CTNNA3: variants seen among roughly 807,000 people sequenced by gnomAD.
The protein encoded by CTNNA3 is catenin alpha 3, also known as catenin alpha-3.
In CTNNA3, 76 loss-of-function variants were observed where a neutral mutation model predicts 95.7. That is an observed-to-expected ratio of 0.79 (90% CI 0.66 to 0.96). The LOEUF is 0.96. CTNNA3 is among the 40% of genes least tolerant of loss of function. CTNNA3 has a pLI of 0.00. For synonymous variants in CTNNA3, 431 were observed against 374.4 expected (o/e 1.15, Z -1.74); for missense variants, 1,191 against 1,089.8 (o/e 1.09, Z -1.31).
At chr10:65,986,768 A>G (rs760972767) in intron 16 of CTNNA3, among the ~76,000 whole-genome samples, 1 of 151,854 alleles carries the variant, frequency 6.6e-6, no homozygotes, top group Non-Finnish European at 1.5e-5. Flanking sequence ...TCCTGAGAAA[A>G]ACAGCAAAGC....
intron 7 of CTNNA3, among the ~76,000 whole-genome samples, chr10:66,997,038 G>C (rs553979496): frequency 8.5e-5 from 13 of 152,148 alleles, no homozygotes; most frequent in Non-Finnish European, 1.9e-4. Context: ...TTATAGATCT[G>C]TTTATATTAA....
chr10:66,217,716 C>T (rs2088645926), intron 13 of CTNNA3, among the ~76,000 whole-genome samples: 1 of 152,124 alleles, frequency 6.6e-6, no homozygotes, highest in African/African-American at 2.4e-5. Context: ...AAGAAACTGC[C>T]ATTTTCTCCC....
chr10:67,305,016 C>T (rs1032602756), intron 5 of CTNNA3, among the ~76,000 whole-genome samples: 11 of 152,078 alleles, frequency 7.2e-5, no homozygotes, highest in Non-Finnish European at 1.2e-4. Context: ...GTGGCTCATG[C>T]CTGTAATCCC....
intron 9 of CTNNA3, among the ~76,000 whole-genome samples, chr10:66,759,311 C>T (rs1839506416): frequency 6.6e-6 from 1 of 152,144 alleles, no homozygotes; most frequent in Admixed American, 6.5e-5. Context: ...CTTCAGGTTG[C>T]AGTGGAACAC....
At chr10:66,471,268 T>C (rs1343298691) in intron 11 of CTNNA3, among the ~76,000 whole-genome samples, 1 of 151,886 alleles carries the variant, frequency 6.6e-6, no homozygotes, top group Non-Finnish European at 1.5e-5. Context: ...TATATCTATG[T>C]CTTACAACAT....
intron 11 of CTNNA3, among the ~76,000 whole-genome samples, chr10:66,386,977 T>C (rs2092898412): frequency 6.6e-6 from 1 of 152,070 alleles, no homozygotes; most frequent in Non-Finnish European, 1.5e-5. Flanking sequence ...ATGTTAGACC[T>C]AAAACCATAA....
chr10:67,638,978 A>C (rs1446733446), intron 2 of CTNNA3, among the ~76,000 whole-genome samples: 1 of 152,236 alleles, frequency 6.6e-6, no homozygotes, highest in African/African-American at 2.4e-5. Context: ...CACATTCAAA[A>C]GCTAGCAGAA....
chr10:66,651,483 G>A (rs367788391), intron 9 of CTNNA3, among the ~76,000 whole-genome samples: 1 of 152,118 alleles, frequency 6.6e-6, no homozygotes, highest in Non-Finnish European at 1.5e-5. Flanking sequence ...CCCTTGGGGG[G>A]TCAATGGGAC....
chr10:66,260,680 G>A (rs1241343946), intron 13 of CTNNA3, among the ~76,000 whole-genome samples: 1 of 152,104 alleles, frequency 6.6e-6, no homozygotes, highest in African/African-American at 2.4e-5. Context: ...ACAGGTAAAT[G>A]ACAGGAAGTT....
At chr10:66,174,905 C>T (rs970051357) in intron 13 of CTNNA3, among the ~76,000 whole-genome samples, 3 of 151,906 alleles carry the variant, frequency 2.0e-5, no homozygotes, top group East Asian at 1.9e-4. Flanking sequence ...AAATTCAACC[C>T]GTGAATTTAA....
intron 3 of CTNNA3, among the ~76,000 whole-genome samples, chr10:67,594,257 T>C (rs1199094498): frequency 6.6e-6 from 1 of 152,144 alleles, no homozygotes; most frequent in Admixed American, 6.5e-5. Flanking sequence ...TGTCAGAGTG[T>C]TGCTGACCTC....
chr10:67,691,947 G>A (rs1167932796), intron 1 of CTNNA3, among the ~76,000 whole-genome samples: 2 of 148,294 alleles, frequency 1.3e-5, no homozygotes, highest in East Asian at 4.1e-4. Flanking sequence ...AGGTAGGGGG[G>A]TCAGCCCCCC....
chr10:66,760,925 A>G (rs1039945811), intron 9 of CTNNA3, among the ~76,000 whole-genome samples: 1 of 152,192 alleles, frequency 6.6e-6, no homozygotes, highest in Admixed American at 6.6e-5. Flanking sequence ...ATGCTCACTT[A>G]GAACAGTTGT....
At chr10:66,272,095 C>T (rs949658571) in intron 13 of CTNNA3, among the ~76,000 whole-genome samples, 7 of 152,158 alleles carry the variant, frequency 4.6e-5, no homozygotes, top group Admixed American at 1.3e-4. Context: ...TTACAGACTT[C>T]TTTCCACTAA....
chr10:67,702,876 T>C (rs1841052315), intron 1 of CTNNA3, among the ~76,000 whole-genome samples: 3 of 152,008 alleles, frequency 2.0e-5, no homozygotes, highest in African/African-American at 2.4e-5. Context: ...GATAGACCGC[T>C]AGCAAGACTA....
intron 7 of CTNNA3, among the ~76,000 whole-genome samples, chr10:66,784,776 T>C (rs1840675466): frequency 6.6e-6 from 1 of 152,250 alleles, no homozygotes; most frequent in Middle Eastern, 3.4e-3. Flanking sequence ...CATGTGGAGA[T>C]TAGGGAAGGT....
At chr10:66,701,156 T>G (rs558200348) in intron 9 of CTNNA3, among the ~76,000 whole-genome samples, 1 of 152,188 alleles carries the variant, frequency 6.6e-6, no homozygotes, top group African/African-American at 2.4e-5. Context: ...TGAACTTTGG[T>G]TGAGTATCAG....
At chr10:67,723,505 G>C (rs963871246) in intron 1 of CTNNA3, among the ~76,000 whole-genome samples, 10 of 152,058 alleles carry the variant, frequency 6.6e-5, no homozygotes, top group African/African-American at 2.4e-4. Context: ...CATTGCCTAA[G>C]CTGGTTTCAA....
chr10:67,167,968 A>T (rs1371108033), intron 7 of CTNNA3, among the ~76,000 whole-genome samples: 1 of 152,062 alleles, frequency 6.6e-6, no homozygotes, highest in Non-Finnish European at 1.5e-5. Context: ...CCCCATCTCT[A>T]CTTAAAAAAT....
Sources: gnomAD v4.1 joint callset for allele counts (sites outside exome capture counted in the v4.1 genomes callset) on GRCh38, gnomAD v4.1.1 for gene constraint, MANE v1.5 for transcripts, NCBI Gene and HGNC (gene_info 2026-07-23, HGNC 2026-07-21) for gene names.